MME: variants seen among roughly 807,000 people sequenced by gnomAD.
MME encodes neprilysin.
In MME, 98 loss-of-function variants were observed where a neutral mutation model predicts 113.2. That is an observed-to-expected ratio of 0.87 (90% CI 0.74 to 1.02). The LOEUF is 1.02. Ranked by LOEUF, MME falls within the 50% of genes least tolerant of loss-of-function variation. The pLI is 0.00. For missense variants in MME, 836 were observed against 896.0 expected (o/e 0.93, Z 0.86); for synonymous variants, 292 against 300.6 (o/e 0.97, Z 0.30).
chr3:155,096,581 A>T (rs1177226598), intron 3 of MME, among the ~76,000 whole-genome samples: 1 of 152,234 alleles, frequency 6.6e-6, no homozygotes, highest in African/African-American at 2.4e-5. Context: ...TGACTTTATC[A>T]GAATTATTGA....
At chr3:155,117,419 G>A (rs1429500358) in intron 7 of MME, among the ~76,000 whole-genome samples, 1 of 152,116 alleles carries the variant, frequency 6.6e-6, no homozygotes, top group Non-Finnish European at 1.5e-5. Flanking sequence ...CCTCACTAAA[G>A]AGTATCTGTA....
At chr3:155,123,867 C>G (rs1441279860) in intron 8 of MME, among the ~76,000 whole-genome samples, 2 of 80,340 alleles carry the variant, frequency 2.5e-5, no homozygotes, top group African/African-American at 4.5e-5. Flanking sequence ...TCCTTCATTT[C>G]AACTTTGGTG....
chr3:155,140,410 CTTTTTT>C (rs35653282), intron 10 of MME, 118 bp downstream of exon 10: 1,893 of 284,244 alleles, frequency 6.7e-3, no homozygotes, highest in South Asian at 8.7e-3. Flanking sequence ...ACTTCAATTC[CTTTTTT>C]TTTTTTTTTT....
At chr3:155,055,564 T>C (rs1713896690) in intron 1 of MME, among the ~76,000 whole-genome samples, 1 of 151,092 alleles carries the variant, frequency 6.6e-6, no homozygotes, top group Non-Finnish European at 1.5e-5. Flanking sequence ...GTCGTTGCAC[T>C]CCAGCCTGGA....
At chr3:155,176,103 T>C (rs1211303334) in intron 22 of MME, among the ~76,000 whole-genome samples, 3 of 152,220 alleles carry the variant, frequency 2.0e-5, no homozygotes, top group African/African-American at 4.8e-5. Flanking sequence ...TGAAGGCAGT[T>C]AACTATGTAG....
At chr3:155,168,828 G>A in intron 20 of MME, 31 bp downstream of exon 20, 1 of 1,538,406 alleles carries the variant, frequency 6.5e-7, no homozygotes, top group Non-Finnish European at 9.0e-7. Context: ...TTCCATTTTA[G>A]TGATTTAGAG....
At chr3:155,095,500 CCATT>C (rs1454737640) in intron 3 of MME, among the ~76,000 whole-genome samples, 3 of 152,144 alleles carry the variant, frequency 2.0e-5, no homozygotes. Context: ...TTTGCCTCTT[CCATT>C]CATTCATTTA....
At chr3:155,125,381 C>T (rs1276364706) in intron 8 of MME, among the ~76,000 whole-genome samples, 34 of 141,788 alleles carry the variant, frequency 2.4e-4, no homozygotes, top group African/African-American at 7.1e-4. Context: ...CCATCTTCTG[C>T]GTTGCTCACG....
intron 20 of MME, among the ~76,000 whole-genome samples, chr3:155,171,133 A>G (rs1321473182): frequency 2.6e-5 from 4 of 152,172 alleles, no homozygotes; most frequent in Non-Finnish European, 4.4e-5. Context: ...CCCATGGAGA[A>G]CCTCACCTAG....
rs570399859 is a variant in MME at position 155,124,987 on chromosome 3, C to T, written c.720+6176C>T. 3.7e-3 allele frequency among the ~76,000 whole-genome samples: 566 copies of T among 152,278 alleles called. 2 individuals carry two copies. The highest frequency in any genetic ancestry group is 6.3e-3 in the Admixed American group (97 of 15,302). Reference sequence around the variant, plus strand: ...GGGCTGCTTTGTTTACCTAAGCAAGCCTGGGCAATGGCAGGCGCCCCTCCC... The same window carrying T: ...GGGCTGCTTTGTTTACCTAAGCAAGTCTGGGCAATGGCAGGCGCCCCTCCC... On this transcript the variant is annotated intron_variant, in intron 8 of 22. Coordinates refer to ENST00000360490, the MANE Select transcript of MME (RefSeq NM_007289.4).
At chr3:155,111,546 G>A (rs1262140675) in intron 3 of MME, among the ~76,000 whole-genome samples, 1 of 152,202 alleles carries the variant, frequency 6.6e-6, no homozygotes, top group Non-Finnish European at 1.5e-5. Flanking sequence ...GGAGATGTGG[G>A]AAGTACAGTT....
At chr3:155,143,747 A>G (rs985580935) in intron 13 of MME, among the ~76,000 whole-genome samples, 176 bp downstream of exon 13, 2 of 152,104 alleles carry the variant, frequency 1.3e-5, no homozygotes, top group African/African-American at 2.4e-5. Context: ...CTTCCCCAAG[A>G]GTCTAGTTAT....
rs1272329560 is a variant in MME at position 155,122,989 on chromosome 3, C to T, written c.720+4178C>T. 8.1e-5 allele frequency among the ~76,000 whole-genome samples: 3 copies of T among 37,266 alleles called. 1 individual carries two copies. The highest frequency in any genetic ancestry group is 2.8e-4 in the African/African-American group (3 of 10,646). The allele number at this position is 37,266 out of a possible 152,430, so 24.4% of individuals were successfully genotyped here. ...GGGTATCCTTGTTGACTTTCTGTCT[C>T]GTTGATGTGTCTAATGTTGACAGTG... On this transcript the variant is annotated intron_variant, in intron 8 of 22. Coordinates refer to ENST00000360490, the MANE Select transcript of MME (RefSeq NM_007289.4).
chr3:155,039,757 GA>G (rs1267358054), intron 1 of MME, among the ~76,000 whole-genome samples: 4 of 151,414 alleles, frequency 2.6e-5, no homozygotes, highest in East Asian at 1.9e-4. Flanking sequence ...AAATGATTTA[GA>G]AAAAAAAGTA....
chr3:155,063,744 G>A (rs75444025), intron 1 of MME, among the ~76,000 whole-genome samples: 4,041 of 139,074 alleles, frequency 0.029, 95 homozygotes, highest in South Asian at 0.096. Flanking sequence ...TCCCCCAAAT[G>A]AGCCTTTTCC....
intron 16 of MME, among the ~76,000 whole-genome samples, chr3:155,152,176 T>G (rs1721983490): frequency 6.6e-6 from 1 of 152,116 alleles, no homozygotes; most frequent in Non-Finnish European, 1.5e-5. Context: ...TCCAAATCCT[T>G]TCTCTGTCTT....
intron 20 of MME, among the ~76,000 whole-genome samples, chr3:155,169,523 G>T (rs1344179538): frequency 6.6e-6 from 1 of 152,160 alleles, no homozygotes; most frequent in Non-Finnish European, 1.5e-5. Flanking sequence ...ATAGTCTGGT[G>T]GATGCCATGT....
At position 155,066,500 on chromosome 3, in the gene MME, C is replaced by T. The variant is rs146667553; in HGVS notation, c.-10-17658C>T. ...CCCTAGTTTTCCATGGAGTGAGTAT[C>T]GTCGTTTGAAAGTAATTGAGCTAAA... On this transcript the variant is annotated intron_variant, in intron 1 of 22. Transcript: ENST00000492661. Among the ~76,000 whole-genome samples the T allele has an allele frequency of 1.1e-4, 17 of 152,216 alleles. No individual in the cohort carries two copies. The East Asian group carries it at 2.9e-3, about 26-fold the overall frequency.
chr3:155,096,034 C>T (rs16824559), intron 3 of MME, among the ~76,000 whole-genome samples: 1,553 of 152,170 alleles, frequency 0.01, 27 homozygotes, highest in African/African-American at 0.036. Context: ...AGTCTGTATG[C>T]AAGATGGAGG....
Sources: gnomAD v4.1 joint callset for allele counts (sites outside exome capture counted in the v4.1 genomes callset) on GRCh38, gnomAD v4.1.1 for gene constraint, MANE v1.5 for transcripts, NCBI Gene and HGNC (gene_info 2026-07-23, HGNC 2026-07-21) for gene names.